IGF2R: variants seen among roughly 807,000 people sequenced by gnomAD.
The protein encoded by IGF2R is insulin like growth factor 2 receptor.
In IGF2R, 91 loss-of-function variants were observed where a neutral mutation model predicts 270.6. The observed-to-expected ratio is 0.34, with a 90% CI of 0.28 to 0.40. The LOEUF (loss-of-function observed/expected upper bound fraction) is 0.40. Among genes scored for constraint, IGF2R ranks in the 10% least tolerant of loss-of-function variants. The pLI is 1.00. For synonymous variants in IGF2R, 1,316 were observed against 1,258.9 expected (o/e 1.05, Z -0.96); for missense variants, 2,805 against 3,188.3 (o/e 0.88, Z 2.90).
chr6:160,017,827 CT>C (rs2115215045), intron 4 of IGF2R, among the ~76,000 whole-genome samples: 1 of 152,266 alleles, frequency 6.6e-6, no homozygotes, highest in South Asian at 2.1e-4. Context: ...TTTGTCAGTA[CT>C]AGATGGACCA....
chr6:159,996,179 C>T (rs1333543601), intron 2 of IGF2R, among the ~76,000 whole-genome samples: 1 of 152,152 alleles, frequency 6.6e-6, no homozygotes, highest in Admixed American at 6.5e-5. Flanking sequence ...GCAGGATCCT[C>T]ACCGTCTCCC....
chr6:160,003,603 T>C (rs1393061349), intron 2 of IGF2R: 3 of 152,268 alleles, frequency 2.0e-5, no homozygotes, highest in African/African-American at 7.2e-5. Context: ...ATTATATGTG[T>C]ACATTATATT....
intron 1 of IGF2R, among the ~76,000 whole-genome samples, chr6:159,980,200 AAAGAAAGAAAGAAAGAAAGAAAGAAAG>A (rs1783764510): frequency 1.2e-5 from 1 of 80,708 alleles, no homozygotes; most frequent in Non-Finnish European, 2.2e-5. Context: ...AGAAAGAAAG[AAAGAAAGAAAGAAAGAAAGAAAGAAAG>A]AAAGAAAGAA....
chr6:160,090,144 T>C, intron 44 of IGF2R, 41 bp downstream of exon 44: 1 of 1,387,852 alleles, frequency 7.2e-7, no homozygotes, highest in Non-Finnish European at 9.5e-7. Flanking sequence ...TTTAACTTCC[T>C]CCAAGGAAGG....
chr6:160,099,848 TC>T (rs1779444639), intron 45 of IGF2R, among the ~76,000 whole-genome samples: 1 of 152,214 alleles, frequency 6.6e-6, no homozygotes, highest in African/African-American at 2.4e-5. Context: ...TTTTAAAATT[TC>T]TTACAGTGAT....
At chr6:160,069,200 A>G (rs896234478) in intron 30 of IGF2R, among the ~76,000 whole-genome samples, 2 of 152,088 alleles carry the variant, frequency 1.3e-5, no homozygotes, top group Non-Finnish European at 2.9e-5. Context: ...ACCTCCAGGG[A>G]TCTTGGTACC....
intron 10 of IGF2R, among the ~76,000 whole-genome samples, chr6:160,037,792 G>C (rs1683258099): frequency 6.6e-6 from 1 of 152,132 alleles, no homozygotes; most frequent in African/African-American, 2.4e-5. Flanking sequence ...GATGGGGCTG[G>C]GGTCGGGGGT....
chr6:160,030,275 C>G (rs917826478), intron 7 of IGF2R, among the ~76,000 whole-genome samples: 2 of 152,182 alleles, frequency 1.3e-5, no homozygotes, highest in African/African-American at 4.8e-5. Context: ...AGGCGTCCCC[C>G]AGGGAGGGAG....
At position 160,010,599 on chromosome 6, in the gene IGF2R, T is replaced by G. The variant is rs534646403; in HGVS notation, c.415-88T>G. On this transcript the variant is annotated intron_variant, in intron 3 of 47. Coordinates refer to ENST00000356956, the MANE Select transcript of IGF2R (RefSeq NM_000876.4). ...CTTCTTGCTGCTGCTTTCTTTATTTTAGTAGCCTTTACTGCATTCTCATTT... is the reference window on the plus strand; with the variant it reads ...CTTCTTGCTGCTGCTTTCTTTATTTGAGTAGCCTTTACTGCATTCTCATTT... 8 of 824,864 alleles carry G rather than the reference T, an allele frequency of 9.7e-6. No homozygotes were observed. The East Asian group carries it at 2.1e-4, about 21-fold the overall frequency. The allele number at this position is 824,864 out of a possible 1,614,324, so 51.1% of individuals were successfully genotyped here. A position where few individuals can be genotyped will look rare whatever the true frequency, so the allele number is the denominator to read the frequency against.
At position 160,090,040 on chromosome 6, in the gene IGF2R, C is replaced by G. The variant is rs1433877755; in HGVS notation, c.6592C>G (p.Pro2198Ala). 1.9e-6 allele frequency: 3 copies of G among 1,601,478 alleles called. No individual in the cohort carries two copies. The highest frequency in any genetic ancestry group is 2.7e-5 in the African/African-American group (2 of 74,582). The change falls in exon 44 of 48, where the codon CCC (proline) becomes GCC (alanine). Residue 2198 changes from proline (P) to alanine (A), a missense_variant. By Grantham distance (27) the Pro-to-Ala change is conservative (BLOSUM62 -1). Transcript: ENST00000356956. ...CSGANICQVK[P>A]NDQHFSRKVG... ...TGGAGCCAACATATGCCAGGTGAAGCCCAACGATCAGCACTTCAGTCGGAA... is the reference window on the plus strand; with the variant it reads ...TGGAGCCAACATATGCCAGGTGAAGGCCAACGATCAGCACTTCAGTCGGAA...
Position 160,075,169 on chromosome 6 carries a change from C to T in IGF2R, c.5167-678C>T, listed in dbSNP as rs115873613. Among the ~76,000 whole-genome samples the T allele has an allele frequency of 4.0e-3, 606 of 152,264 alleles. 3 individuals carry two copies. The highest frequency in any genetic ancestry group is 0.013 in the African/African-American group (523 of 41,556). On this transcript the variant is annotated intron_variant, in intron 35 of 47. Transcript: ENST00000356956. ...ATTCATCACATACACAGTTCCTGGC[C>T]ATTCACCTTTATTTACTTTTTAAAA...
intron 2 of IGF2R, among the ~76,000 whole-genome samples, chr6:159,999,074 C>T (rs1038634100): frequency 2.6e-5 from 4 of 152,222 alleles, no homozygotes; most frequent in African/African-American, 7.2e-5. Flanking sequence ...CCCAGTTTCT[C>T]AGAAAGAAAC....
At chr6:160,085,218 G>T (rs558322957) in intron 41 of IGF2R, 87 bp downstream of exon 41, 86 of 1,420,660 alleles carry the variant, frequency 6.1e-5, no homozygotes, top group Non-Finnish European at 7.8e-5. Flanking sequence ...CAAGGAGAGT[G>T]AGCATGTGCT....
Position 160,102,312 on chromosome 6 carries a change from C to T in IGF2R, c.6843-207C>T, listed in dbSNP as rs1033060605. Among the ~76,000 whole-genome samples the T allele has an allele frequency of 6.6e-6, 1 of 152,294 alleles. No individual in the cohort carries two copies. Among genetic ancestry groups the T allele is most frequent in the Non-Finnish European group, 1.5e-5 (1 of 68,032 alleles). ...GCCTTCTTGTCTGCTTTCTGACAAC[C>T]CTGCCACAAACTCATCATCAGGAAC... is the stretch of plus-strand genomic sequence containing the variant. On this transcript the variant is annotated intron_variant, in intron 45 of 47. Coordinates refer to ENST00000356956, the MANE Select transcript of IGF2R (RefSeq NM_000876.4). This position sits in a 1 kb window ranked among gnomAD's most constrained non-coding sequence, Gnocchi z 4.5.
rs957844941 is a variant in IGF2R at position 160,102,320 on chromosome 6, A to G, written c.6843-199A>G. Among the ~76,000 whole-genome samples, 4 of 152,202 alleles carry G rather than the reference A, an allele frequency of 2.6e-5. No homozygotes were observed. On this transcript the variant is annotated intron_variant, in intron 45 of 47. Transcript: ENST00000356956. This position sits in a 1 kb window ranked among gnomAD's most constrained non-coding sequence, Gnocchi z 4.5. ...GTCTGCTTTCTGACAACCCTGCCAC[A>G]AACTCATCATCAGGAACTTTTTGCA...
chr6:160,012,772 T>TG (rs1399788389), intron 4 of IGF2R, among the ~76,000 whole-genome samples: 5,104 of 129,024 alleles, frequency 0.04, 352 homozygotes, highest in Non-Finnish European at 0.063. Context: ...TATTTTTTTT[T>TG]TTTTTTGTTT....
chr6:160,104,233 C>T (rs921808287), intron 47 of IGF2R, among the ~76,000 whole-genome samples: 2 of 152,152 alleles, frequency 1.3e-5, no homozygotes, highest in Non-Finnish European at 2.9e-5. Flanking sequence ...ATGAATTGCT[C>T]TCTAAAACTA....
At chr6:160,039,476 C>G (rs1227737500) in intron 10 of IGF2R, among the ~76,000 whole-genome samples, 2 of 152,234 alleles carry the variant, frequency 1.3e-5, no homozygotes, top group Non-Finnish European at 2.9e-5. Flanking sequence ...GTGCTGAGCT[C>G]AGTGCCTGGC....
chr6:159,969,954 A>AT (rs1252690963), intron 1 of IGF2R, among the ~76,000 whole-genome samples: 21 of 150,632 alleles, frequency 1.4e-4, no homozygotes, highest in African/African-American at 5.1e-4. Context: ...ATATATATAT[A>AT]TATTTTTAGC....
Sources: gnomAD v4.1 joint callset for allele counts (sites outside exome capture counted in the v4.1 genomes callset) on GRCh38, gnomAD v4.1.1 for gene constraint, Gnocchi (gnomAD v3.1) non-coding constraint, MANE v1.5 for transcripts, NCBI Gene and HGNC (gene_info 2026-07-23, HGNC 2026-07-21) for gene names.